GRID1: variants seen among roughly 807,000 people sequenced by gnomAD.
GRID1 encodes the protein glutamate receptor ionotropic, delta-1.
In GRID1, 28 loss-of-function variants were observed where a neutral mutation model predicts 98.0. The observed-to-expected ratio is 0.29, with a 90% CI of 0.21 to 0.39. GRID1 has a LOEUF of 0.39. GRID1 is among the 10% of genes least tolerant of loss of function. The pLI, the probability that GRID1 is intolerant of heterozygous loss-of-function variation, is 1.00. For missense variants in GRID1, 1,111 were observed against 1,340.5 expected (o/e 0.83, Z 2.67); for synonymous variants, 553 against 538.5 (o/e 1.03, Z -0.37).
chr10:86,311,765 G>A (rs189217994), intron 2 of GRID1, among the ~76,000 whole-genome samples: 5 of 152,354 alleles, frequency 3.3e-5, no homozygotes, highest in Admixed American at 3.3e-4. Context: ...GGAGGCTGAC[G>A]TGGGAGGACC....
At chr10:85,995,606 G>C (rs1236209098) in intron 4 of GRID1, among the ~76,000 whole-genome samples, 7 of 152,222 alleles carry the variant, frequency 4.6e-5, no homozygotes. Context: ...AGTCTGATGA[G>C]TAAACATGAG....
intron 2 of GRID1, among the ~76,000 whole-genome samples, chr10:86,236,147 T>C (rs1265462075): frequency 1.3e-5 from 2 of 152,234 alleles, no homozygotes; most frequent in African/African-American, 2.4e-5. Flanking sequence ...ACTAACATTA[T>C]TGAACATCTT....
chr10:86,321,326 T>C (rs1193005799), intron 2 of GRID1, among the ~76,000 whole-genome samples: 1 of 152,048 alleles, frequency 6.6e-6, no homozygotes. Flanking sequence ...TAAAAATGAA[T>C]AGAGATCGGG....
intron 8 of GRID1, among the ~76,000 whole-genome samples, chr10:85,732,650 C>T (rs914964263): frequency 3.3e-5 from 5 of 152,144 alleles, no homozygotes; most frequent in Admixed American, 6.5e-5. Context: ...TCATTGGTTT[C>T]GCTGCTCTCA....
chr10:85,814,004 A>T (rs2131746149), intron 8 of GRID1, among the ~76,000 whole-genome samples: 1 of 151,988 alleles, frequency 6.6e-6, no homozygotes, highest in East Asian at 1.9e-4. Flanking sequence ...ATTTTTAAAA[A>T]TTTAAATAAT....
chr10:85,675,914 T>C (rs1841139892), intron 12 of GRID1, among the ~76,000 whole-genome samples: 5 of 152,066 alleles, frequency 3.3e-5, no homozygotes, highest in Admixed American at 3.3e-4. Flanking sequence ...GGGACCTGCA[T>C]GTGAAGATGT....
intron 3 of GRID1, among the ~76,000 whole-genome samples, chr10:86,162,924 C>T (rs1425979500): frequency 1.3e-5 from 2 of 152,160 alleles, no homozygotes; most frequent in African/African-American, 4.8e-5. Context: ...ATATCTGATC[C>T]ATCATCATGG....
intron 4 of GRID1, among the ~76,000 whole-genome samples, chr10:86,053,580 T>C (rs1843532914): frequency 6.6e-6 from 1 of 151,990 alleles, no homozygotes; most frequent in Non-Finnish European, 1.5e-5. Context: ...CAGGCTGGTC[T>C]CGAACTCAGG....
chr10:85,644,545 T>A lies in GRID1; in HGVS notation c.2193+2657A>T, dbSNP rs185860532. Among the ~76,000 whole-genome samples, 11 of 152,360 alleles carry A rather than the reference T, an allele frequency of 7.2e-5. No individual in the cohort carries two copies. In the East Asian group the frequency reaches 2.1e-3, roughly 29 times the overall value. ...CTCAATATTATTCTGCTAAGATTCA[T>A]CCATTTCATTGTAGACAACATCTTT... On this transcript the variant is annotated intron_variant, in intron 13 of 15. Transcript: ENST00000327946.
At chr10:85,750,909 A>C (rs1842040001) in intron 8 of GRID1, among the ~76,000 whole-genome samples, 1 of 152,254 alleles carries the variant, frequency 6.6e-6, no homozygotes, top group Non-Finnish European at 1.5e-5. Context: ...ATATAACAGT[A>C]GGCAGCATTA....
intron 4 of GRID1, among the ~76,000 whole-genome samples, chr10:86,128,864 C>T (rs1044741141): frequency 6.6e-6 from 1 of 152,190 alleles, no homozygotes; most frequent in Non-Finnish European, 1.5e-5. Context: ...GGTACCCATA[C>T]CCATGTCAAG....
At chr10:85,780,024 C>T (rs1842367331) in intron 8 of GRID1, among the ~76,000 whole-genome samples, 1 of 152,204 alleles carries the variant, frequency 6.6e-6, no homozygotes, top group South Asian at 2.1e-4. Context: ...CATCTTCTTT[C>T]CAGGCACTAG....
Position 86,138,703 on chromosome 10 carries a change from G to C in GRID1, c.726+116C>G, listed in dbSNP as rs1341537134. 6.6e-6 allele frequency: 5 copies of C among 756,698 alleles called. No homozygotes were observed. In the African/African-American group the frequency reaches 8.7e-5, roughly 13 times the overall value. The allele number at this position is 756,698 out of a possible 1,614,324, so 46.9% of individuals were successfully genotyped here. On this transcript the variant is annotated intron_variant, in intron 4 of 15. Transcript: ENST00000327946. ...AGTGCTGTGGGCCGAGCACCTACGG[G>C]TCTCCATGTCCGTTTAGGCCATGCG...
intron 6 of GRID1, among the ~76,000 whole-genome samples, chr10:85,868,015 A>G (rs1276441517): frequency 6.6e-6 from 1 of 152,202 alleles, no homozygotes; most frequent in African/African-American, 2.4e-5. Flanking sequence ...CCCCTGATAC[A>G]GTGAGAGCAA....
chr10:86,320,932 T>C (rs763121392), intron 2 of GRID1, among the ~76,000 whole-genome samples: 22 of 151,930 alleles, frequency 1.4e-4, no homozygotes, highest in Non-Finnish European at 2.9e-4. Context: ...ACCCCGTCTC[T>C]ACTAAAAAAC....
chr10:86,250,149 G>A (rs1050253988), intron 2 of GRID1, among the ~76,000 whole-genome samples: 4 of 152,142 alleles, frequency 2.6e-5, no homozygotes, highest in African/African-American at 9.7e-5. Flanking sequence ...TAAAGAAGAG[G>A]CAAAGGCAAA....
rs139301668 is a variant in GRID1, at chr10:85,984,145, C to T, written c.727-67906G>A. On this transcript the variant is annotated intron_variant, in intron 4 of 15. Coordinates refer to ENST00000327946, the MANE Select transcript of GRID1 (RefSeq NM_017551.3). ...CTCCCTGCACCACAGAGAGAGGCTC[C>T]AACCCATCTCCCTGGCTTCATCCCT... 2.4e-3 allele frequency among the ~76,000 whole-genome samples: 362 copies of T among 152,208 alleles called. 1 individual carries two copies. The highest frequency in any genetic ancestry group is 3.5e-3 in the Non-Finnish European group (238 of 67,992).
At position 85,840,070 on chromosome 10, in the gene GRID1, T is replaced by A. The variant is rs539647995; in HGVS notation, c.1233+14426A>T. 5.9e-5 allele frequency among the ~76,000 whole-genome samples: 9 copies of A among 152,176 alleles called. No homozygotes were observed. The South Asian group carries it at 1.9e-3, about 32-fold the overall frequency. ...CTGCACCACGAAGAAACTGAAACCC[T>A]GAACAGACTAATAATGAGCTCTGAA... On this transcript the variant is annotated intron_variant, in intron 8 of 15. Transcript: ENST00000327946.
chr10:85,888,937 C>T (rs146702398), intron 5 of GRID1, among the ~76,000 whole-genome samples: 2 of 152,290 alleles, frequency 1.3e-5, no homozygotes, highest in African/African-American at 4.8e-5. Context: ...GGACTCAGAA[C>T]ATTCAGGGTA....
Sources: allele counts gnomAD v4.1 joint callset (sites outside exome capture counted in the v4.1 genomes callset), GRCh38; gene constraint gnomAD v4.1.1; transcripts MANE v1.5; gene names NCBI Gene and HGNC (gene_info 2026-07-23, HGNC 2026-07-21).